GALNT13: variants seen among roughly 807,000 people sequenced by gnomAD.
The protein encoded by GALNT13 is polypeptide N-acetylgalactosaminyltransferase 13.
In GALNT13, 28 loss-of-function variants were observed where a neutral mutation model predicts 64.2. The observed-to-expected ratio is 0.44, with a 90% CI of 0.32 to 0.60. The LOEUF is 0.60. GALNT13 is among the 20% of genes least tolerant of loss of function. The pLI is 0.05. For synonymous variants in GALNT13, 214 were observed against 224.6 expected (o/e 0.95, Z 0.42); for missense variants, 577 against 669.8 (o/e 0.86, Z 1.53).
At chr2:153,848,014 T>C in the GALNT13 span, among the ~76,000 whole-genome samples, 1 of 152,164 alleles carries the variant, frequency 6.6e-6, no homozygotes, top group Non-Finnish European at 1.5e-5. Context: ...TTGACTATGG[T>C]CTGTTCCCGG....
At chr2:153,220,767 T>C in the GALNT13 span, among the ~76,000 whole-genome samples, 2 of 152,002 alleles carry the variant, frequency 1.3e-5, no homozygotes, top group Non-Finnish European at 2.9e-5. Context: ...TTATATAAAC[T>C]GTTCAATTAA....
chr2:154,314,344 G>A (rs1376248837), intron 9 of GALNT13, among the ~76,000 whole-genome samples: 1 of 152,048 alleles, frequency 6.6e-6, no homozygotes, highest in Non-Finnish European at 1.5e-5. Context: ...TGGTGTAGGT[G>A]GTTACACATT....
the GALNT13 span, among the ~76,000 whole-genome samples, chr2:153,814,394 A>T: frequency 2.0e-5 from 3 of 152,124 alleles, no homozygotes; most frequent in Non-Finnish European, 2.9e-5. Context: ...AAGCCGAGAT[A>T]GCGCCACTGC....
chr2:153,297,328 A>C, the GALNT13 span, among the ~76,000 whole-genome samples: 3 of 152,184 alleles, frequency 2.0e-5, no homozygotes, highest in Non-Finnish European at 4.4e-5. Flanking sequence ...CCCAAAAGAG[A>C]TCTTTATTTT....
At chr2:153,095,618 C>T in the GALNT13 span, among the ~76,000 whole-genome samples, 1 of 152,066 alleles carries the variant, frequency 6.6e-6, no homozygotes, top group African/African-American at 2.4e-5. Context: ...TTCACAATAG[C>T]AAAGACTTGG....
intron 4 of GALNT13, among the ~76,000 whole-genome samples, chr2:154,216,109 G>T (rs2105811553): frequency 6.6e-6 from 1 of 151,822 alleles, no homozygotes; most frequent in South Asian, 2.1e-4. Context: ...TTTTATTTTT[G>T]ATATATACAC....
intron 3 of GALNT13, among the ~76,000 whole-genome samples, chr2:154,134,489 A>T (rs575374953): frequency 6.6e-6 from 1 of 152,352 alleles, no homozygotes; most frequent in African/African-American, 2.4e-5. Context: ...GCAAATTTAC[A>T]AAGATGTATA....
chr2:153,837,846 CT>C, the GALNT13 span, among the ~76,000 whole-genome samples: 2 of 152,014 alleles, frequency 1.3e-5, no homozygotes, highest in Non-Finnish European at 2.9e-5. Flanking sequence ...AATCTCCTTA[CT>C]TTTTTCCATA....
intron 4 of GALNT13, among the ~76,000 whole-genome samples, chr2:154,201,882 TGACA>T (rs1687191016): frequency 1.3e-5 from 2 of 152,142 alleles, no homozygotes; most frequent in Non-Finnish European, 2.9e-5. Context: ...TGACTATTAT[TGACA>T]GACAGCACCA....
chr2:153,607,901 C>T, the GALNT13 span, among the ~76,000 whole-genome samples: 2 of 152,248 alleles, frequency 1.3e-5, no homozygotes, highest in South Asian at 4.1e-4. Flanking sequence ...CATCTAGCCA[C>T]ACATAGTTAG....
chr2:153,726,939 C>CAAAAAAAAAAA, the GALNT13 span, among the ~76,000 whole-genome samples: 4 of 50,940 alleles, frequency 7.9e-5, no homozygotes, highest in East Asian at 4.8e-4. Context: ...GACTCCATCT[C>CAAAAAAAAAAA]AAAAAAAAAA....
At chr2:154,083,838 G>A (rs931764829) in intron 3 of GALNT13, among the ~76,000 whole-genome samples, 3 of 151,862 alleles carry the variant, frequency 2.0e-5, no homozygotes, top group African/African-American at 7.2e-5. Context: ...AGAAAGTAAT[G>A]GTTTGTGAAT....
At chr2:153,237,747 G>T in the GALNT13 span, among the ~76,000 whole-genome samples, 1 of 151,978 alleles carries the variant, frequency 6.6e-6, no homozygotes, top group Non-Finnish European at 1.5e-5. Flanking sequence ...AGCCACATAG[G>T]TTGATTCCAA....
At chr2:153,412,027 G>A in the GALNT13 span, among the ~76,000 whole-genome samples, 12 of 152,178 alleles carry the variant, frequency 7.9e-5, no homozygotes, top group Non-Finnish European at 1.3e-4. Context: ...TTGAAAAGGT[G>A]AGGCTGGCCT....
At chr2:153,409,322 A>G in the GALNT13 span, among the ~76,000 whole-genome samples, 1 of 147,252 alleles carries the variant, frequency 6.8e-6, no homozygotes, top group South Asian at 2.2e-4. Context: ...GAATATGTAT[A>G]TATTCATATG....
chr2:154,201,322 A>G (rs1359762064), intron 4 of GALNT13, among the ~76,000 whole-genome samples: 1 of 152,152 alleles, frequency 6.6e-6, no homozygotes, highest in Non-Finnish European at 1.5e-5. Flanking sequence ...CTGGCATGTC[A>G]TAGAAGCTTT....
chr2:153,256,287 G>A, the GALNT13 span, among the ~76,000 whole-genome samples: 44 of 151,938 alleles, frequency 2.9e-4, no homozygotes, highest in Admixed American at 2.2e-3. Context: ...CATTCTTCAC[G>A]TAGTTCTCGA....
At chr2:154,410,701 C>T (rs1292021505) in intron 11 of GALNT13, among the ~76,000 whole-genome samples, 1 of 151,762 alleles carries the variant, frequency 6.6e-6, no homozygotes, top group Non-Finnish European at 1.5e-5. Context: ...ATTGGGGAGA[C>T]ATTTAGAAGT....
chr2:153,100,350 T>C, the GALNT13 span, among the ~76,000 whole-genome samples: 1 of 152,246 alleles, frequency 6.6e-6, no homozygotes, highest in Non-Finnish European at 1.5e-5. Flanking sequence ...GAGGAAAGCA[T>C]TCCTTTCTTA....
Sources: gnomAD v4.1 joint callset for allele counts (sites outside exome capture counted in the v4.1 genomes callset) on GRCh38, gnomAD v4.1.1 for gene constraint, MANE v1.5 for transcripts, NCBI Gene and HGNC (gene_info 2026-07-23, HGNC 2026-07-21) for gene names.